INVS: variants seen among roughly 807,000 people sequenced by gnomAD.
INVS encodes the protein inversion of embryo turning homolog.
Under a neutral mutation model 108.8 loss-of-function variants are expected in INVS, and 86 were observed. The ratio of observed to expected loss-of-function variants is 0.79; its 90% CI spans 0.66 to 0.95. INVS has a LOEUF of 0.95. Ranked by LOEUF, INVS falls within the 40% of genes least tolerant of loss-of-function variation. INVS has a pLI of 0.00. For missense variants in INVS, 1,169 were observed against 1,297.4 expected, an observed-to-expected ratio of 0.90 and a Z score of 1.52; for synonymous variants, 455 against 473.5, an observed-to-expected ratio of 0.96 and a Z score of 0.51.
At chr9:100,129,269 G>A (rs1418274811) in intron 3 of INVS, among the ~76,000 whole-genome samples, 1 of 152,036 alleles carries the variant, frequency 6.6e-6, no homozygotes, top group Non-Finnish European at 1.5e-5. Flanking sequence ...ATCACTTGAG[G>A]CCAGGAGTTT....
intron 3 of INVS, among the ~76,000 whole-genome samples, chr9:100,192,978 CTTT>C (rs59924532): frequency 7.3e-6 from 1 of 136,968 alleles, no homozygotes; most frequent in Non-Finnish European, 1.6e-5. Context: ...ATACCAATGT[CTTT>C]TTTTTTTTTT....
intron 12 of INVS, 53 bp downstream of exon 12, chr9:100,273,129 G>A (rs1564186239): frequency 4.0e-5 from 54 of 1,364,120 alleles, no homozygotes; most frequent in Non-Finnish European, 5.1e-5. Flanking sequence ...CAGGGTGGAA[G>A]TGGGGGTGTG....
Position 100,273,024 on chromosome 9 carries a change from A to G in INVS, c.1732A>G (p.Arg578Gly). The G allele has an allele frequency of 2.5e-6, 4 of 1,614,124 alleles. No homozygotes were observed. The highest frequency in any genetic ancestry group is 3.4e-6 in the Non-Finnish European group (4 of 1,180,026). The change falls in exon 12 of 17, where the codon AGG becomes GGG. Residue 578 changes from arginine to glycine, a missense_variant. Transcript: ENST00000262457. Reference sequence around the variant, plus strand: ...CAAGGTCAGAAAAGCCTTCCGAGACAGGAAAAATCTCCTCATGAAGCATGA... The same window carrying G: ...CAAGGTCAGAAAAGCCTTCCGAGACGGGAAAAATCTCCTCATGAAGCATGA... ...GYKVRKAFRD[R>G]KNLLMKHEQL...
intron 1 of INVS, among the ~76,000 whole-genome samples, chr9:100,103,253 A>G (rs1336970223): frequency 6.6e-6 from 1 of 152,200 alleles, no homozygotes; most frequent in East Asian, 1.9e-4. Flanking sequence ...CCTGTTTCTC[A>G]GGTTCAAGTG....
chr9:100,117,602 G>GCCCCCCGC, intron 2 of INVS: 1 of 672,478 alleles, frequency 1.5e-6, no homozygotes, highest in Non-Finnish European at 2.5e-6. Flanking sequence ...AGGGCCTCCG[G>GCCCCCCGC]CCCCCCGCCC....
At chr9:100,277,084 C>G (rs937026383) in intron 12 of INVS, among the ~76,000 whole-genome samples, 1 of 152,216 alleles carries the variant, frequency 6.6e-6, no homozygotes, top group East Asian at 1.9e-4. Context: ...AGAGATTGTT[C>G]TGTGTCCCCA....
intron 13 of INVS, among the ~76,000 whole-genome samples, chr9:100,289,252 TA>T (rs1833542043): frequency 6.6e-6 from 1 of 152,256 alleles, no homozygotes; most frequent in African/African-American, 2.4e-5. Context: ...TGCCACTGAA[TA>T]ACAAGGTTCA....
intron 10 of INVS, among the ~76,000 whole-genome samples, chr9:100,258,274 CT>C (rs1198012480): frequency 2.0e-5 from 3 of 152,280 alleles, no homozygotes; most frequent in East Asian, 3.9e-4. Flanking sequence ...AAGGTCGTTT[CT>C]ATGCTTTTTA....
At chr9:100,225,231 G>A (rs1420624781) in intron 3 of INVS, among the ~76,000 whole-genome samples, 2 of 150,466 alleles carry the variant, frequency 1.3e-5, no homozygotes, top group African/African-American at 4.9e-5. Context: ...CTAATTTTTC[G>A]TAGAGATGGG....
intron 3 of INVS, among the ~76,000 whole-genome samples, chr9:100,138,700 C>CTTTTTTTTTTTTTTTTTTTTTTTTT (rs36096327): frequency 8.0e-6 from 1 of 124,936 alleles, no homozygotes; most frequent in Non-Finnish European, 1.6e-5. Context: ...TGATGGTTTC[C>CTTTTTTTTTTTTTTTTTTTTTTTTT]TTTTTTTTTT....
intron 3 of INVS, among the ~76,000 whole-genome samples, chr9:100,179,352 TAA>T (rs971973263): frequency 7.2e-5 from 11 of 152,096 alleles, no homozygotes; most frequent in African/African-American, 2.7e-4. Context: ...GCAAATTGGA[TAA>T]AGAGTCAAGA....
chr9:100,198,934 A>G lies in INVS; in HGVS notation c.274-27128A>G, dbSNP rs1312337808. Among the ~76,000 whole-genome samples the G allele has an allele frequency of 3.9e-5, 6 of 152,100 alleles. No homozygotes were observed. The South Asian group carries it at 8.3e-4, about 21-fold the overall frequency. On this transcript the variant is annotated intron_variant, in intron 3 of 16. Transcript: ENST00000262457. Reference sequence around the variant, plus strand: ...TAATGTCCCTCAATTTGGGTTTGTTAGGTATCTTCTCATGATTAGATTTGT... The same window carrying G: ...TAATGTCCCTCAATTTGGGTTTGTTGGGTATCTTCTCATGATTAGATTTGT...
intron 5 of INVS, among the ~76,000 whole-genome samples, chr9:100,230,531 TA>T (rs201471998): frequency 1.3e-3 from 194 of 152,244 alleles, no homozygotes; most frequent in African/African-American, 4.5e-3. Context: ...TATTTTATTT[TA>T]TTTTGAGACA....
intron 13 of INVS, among the ~76,000 whole-genome samples, chr9:100,289,035 A>T (rs555684553): frequency 2.0e-4 from 30 of 152,228 alleles, no homozygotes; most frequent in African/African-American, 7.0e-4. Context: ...GGATCTTTAC[A>T]TTATCTCTAA....
Position 100,104,918 on chromosome 9 carries a change from G to A in INVS, c.106+291G>A, listed in dbSNP as rs995103897. On this transcript the variant is annotated intron_variant, in intron 2 of 16. Transcript: ENST00000262457. The stretch of plus-strand genomic sequence containing the variant: ...ATTCATCTTTATGTTAACAGATCTC[G>A]AATGAAACAGTGGATAATCTTTTAA... 8.6e-5 allele frequency among the ~76,000 whole-genome samples: 13 copies of A among 152,016 alleles called. 1 individual carries two copies. Among genetic ancestry groups the A allele is most frequent in the South Asian group, 6.2e-4 (3 of 4,814 alleles).
chr9:100,144,984 G>A (rs1019091591), intron 3 of INVS, among the ~76,000 whole-genome samples: 7 of 152,166 alleles, frequency 4.6e-5, no homozygotes, highest in African/African-American at 1.4e-4. Flanking sequence ...GAATTATCTA[G>A]ATCTTGTAGG....
intron 11 of INVS, among the ~76,000 whole-genome samples, chr9:100,271,739 A>C (rs1377597912): frequency 1.3e-5 from 2 of 152,040 alleles, no homozygotes; most frequent in African/African-American, 4.8e-5. Context: ...GAGGTTCAAC[A>C]TTTTTATGTG....
intron 3 of INVS, among the ~76,000 whole-genome samples, chr9:100,155,772 C>G (rs907721758): frequency 2.0e-5 from 3 of 152,154 alleles, no homozygotes; most frequent in African/African-American, 7.2e-5. Context: ...TTACTGTTAT[C>G]TTGACACAAC....
chr9:100,185,308 C>A (rs1830020236), intron 3 of INVS, among the ~76,000 whole-genome samples: 1 of 151,538 alleles, frequency 6.6e-6, no homozygotes, highest in Non-Finnish European at 1.5e-5. Flanking sequence ...CTACTCACAT[C>A]ACCACCACCA....
Sources: allele counts gnomAD v4.1 joint callset (sites outside exome capture counted in the v4.1 genomes callset), GRCh38; gene constraint gnomAD v4.1.1; transcripts MANE v1.5; gene names NCBI Gene and HGNC (gene_info 2026-07-23, HGNC 2026-07-21).